The following COL23A1 variants were observed in gnomAD, a reference collection of about 807,000 sequenced individuals.
COL23A1 encodes collagen alpha-1(XXIII) chain.
Under a neutral mutation model 99.3 loss-of-function variants are expected in COL23A1, and 97 were observed. That is an observed-to-expected ratio of 0.98 (90% CI 0.83 to 1.16). The LOEUF is 1.16. Ranked by LOEUF, COL23A1 falls within the 50% of genes most tolerant of loss-of-function variation. The pLI is 0.00. For synonymous variants in COL23A1, 320 were observed against 308.2 expected (o/e 1.04, Z -0.40); for missense variants, 762 against 757.4 (o/e 1.01, Z -0.07).
intron 5 of COL23A1, among the ~76,000 whole-genome samples, chr5:178,273,785 G>C (rs1756429377): frequency 6.6e-6 from 1 of 152,216 alleles, no homozygotes; most frequent in Admixed American, 6.5e-5. Flanking sequence ...GAAGCTGCTG[G>C]GTGGGTATGG....
At chr5:178,421,594 C>A (rs1017355611) in intron 2 of COL23A1, among the ~76,000 whole-genome samples, 3 of 152,192 alleles carry the variant, frequency 2.0e-5, no homozygotes, top group Admixed American at 2.0e-4. Context: ...CAGGGCCAGG[C>A]ACAGTGGCTC....
At chr5:178,574,493 A>C (rs116446192) in intron 1 of COL23A1, among the ~76,000 whole-genome samples, 1 of 152,240 alleles carries the variant, frequency 6.6e-6, no homozygotes, top group African/African-American at 2.4e-5. Flanking sequence ...CAGCCCCTCC[A>C]TTTGTCCAAG....
At chr5:178,394,091 C>T (rs1010112889) in intron 2 of COL23A1, among the ~76,000 whole-genome samples, 6 of 152,144 alleles carry the variant, frequency 3.9e-5, no homozygotes, top group African/African-American at 1.4e-4. Context: ...GAGCGAAAGA[C>T]CTGGGAGGGC....
chr5:178,348,077 A>G (rs1434103341), intron 2 of COL23A1, among the ~76,000 whole-genome samples: 1 of 151,824 alleles, frequency 6.6e-6, no homozygotes, highest in Admixed American at 6.6e-5. Context: ...GGGGTCTCGC[A>G]TGCCTCCATG....
chr5:178,465,634 C>T (rs1271637988), intron 2 of COL23A1, among the ~76,000 whole-genome samples: 1 of 152,214 alleles, frequency 6.6e-6, no homozygotes, highest in Non-Finnish European at 1.5e-5. Flanking sequence ...TGCTTTCTGC[C>T]CCTCTCTAGA....
intron 2 of COL23A1, among the ~76,000 whole-genome samples, chr5:178,518,475 G>A (rs1423667199): frequency 1.6e-4 from 23 of 148,280 alleles, no homozygotes; most frequent in South Asian, 6.4e-4. Flanking sequence ...AGGGGCGGCC[G>A]GGCAGAGGCG....
Position 178,530,675 on chromosome 5 carries a change from T to A in COL23A1, c.361+30007A>T, listed in dbSNP as rs551168920. Among the ~76,000 whole-genome samples, 245 of 152,114 alleles carry A rather than the reference T, an allele frequency of 1.6e-3. 1 individual carries two copies. Among genetic ancestry groups the A allele is most frequent in the Middle Eastern group, 6.8e-3 (2 of 294 alleles). On this transcript the variant is annotated intron_variant, in intron 2 of 28. Transcript: ENST00000390654. ...AGCCAGACCAAAGACCAGGTGTAGA[T>A]GTTGCAGCCACAGCTCCCTCCGGCT...
intron 2 of COL23A1, among the ~76,000 whole-genome samples, chr5:178,548,665 T>C (rs80314032): frequency 0.056 from 8,572 of 151,764 alleles, 422 homozygotes; most frequent in Middle Eastern, 0.2. Flanking sequence ...CATTCTTTAC[T>C]AGAGCCTCTG....
chr5:178,474,246 C>T (rs1238408157), intron 2 of COL23A1, among the ~76,000 whole-genome samples: 1 of 152,172 alleles, frequency 6.6e-6, no homozygotes, highest in Non-Finnish European at 1.5e-5. Flanking sequence ...GTCTCAGTTT[C>T]TCTCATCATT....
intron 2 of COL23A1, among the ~76,000 whole-genome samples, chr5:178,447,098 AT>A (rs398065445): frequency 0.19 from 28,024 of 148,000 alleles, 3,235 homozygotes; most frequent in African/African-American, 0.33. Flanking sequence ...TTTTATTATT[AT>A]TTTTTTTTTT....
chr5:178,249,716 A>ACT (rs59946818), intron 18 of COL23A1, among the ~76,000 whole-genome samples: 35 of 92,802 alleles, frequency 3.8e-4, no homozygotes, highest in African/African-American at 1.1e-3. Flanking sequence ...ACACACACAC[A>ACT]CTCTCTCTCT....
At chr5:178,404,867 G>A (rs542414052) in intron 2 of COL23A1, among the ~76,000 whole-genome samples, 1 of 152,288 alleles carries the variant, frequency 6.6e-6, no homozygotes, top group East Asian at 1.9e-4. Context: ...CAGTCAGGAA[G>A]ACAAACCTAG....
chr5:178,523,883 A>G (rs1226219139), intron 2 of COL23A1, among the ~76,000 whole-genome samples: 1 of 152,086 alleles, frequency 6.6e-6, no homozygotes, highest in East Asian at 1.9e-4. Context: ...AAGTTACACT[A>G]CCTGGGCTCT....
chr5:178,337,611 C>T (rs1760415376), intron 2 of COL23A1, among the ~76,000 whole-genome samples: 3 of 151,842 alleles, frequency 2.0e-5, no homozygotes, highest in Admixed American at 6.6e-5. Flanking sequence ...TGGGCTCTGC[C>T]GGGCTGGGGG....
rs1250347977 is a variant in COL23A1 at position 178,307,688 on chromosome 5, C to G, written c.362-769G>C. On this transcript the variant is annotated intron_variant, in intron 2 of 28. Transcript: ENST00000390654. This position sits in a 1 kb window ranked among gnomAD's most constrained non-coding sequence, Gnocchi z 4.2. ...GAGCAGAGGTCTGAGGCCTCCCTCT[C>G]CCTCCCCTCACCTCTGTGGCGCTCA... Among the ~76,000 whole-genome samples the G allele has an allele frequency of 6.6e-6, 1 of 152,242 alleles. No individual in the cohort carries two copies. Among genetic ancestry groups the G allele is most frequent in the Admixed American group, 6.5e-5 (1 of 15,280 alleles).
At chr5:178,399,909 C>T (rs773920986) in intron 2 of COL23A1, among the ~76,000 whole-genome samples, 19 of 152,186 alleles carry the variant, frequency 1.2e-4, no homozygotes, top group African/African-American at 1.7e-4. Context: ...CATCTGTCTC[C>T]GGATCCACCC....
intron 17 of COL23A1, among the ~76,000 whole-genome samples, chr5:178,251,422 TCCAAGTATTTCTAAATCC>T (rs532053688): frequency 6.6e-6 from 1 of 152,272 alleles, no homozygotes; most frequent in East Asian, 1.9e-4. Flanking sequence ...GAAAAAAATC[TCCAAGTATTTCTAAATCC>T]CCAAGTATTC....
At chr5:178,455,378 C>A (rs1767721490) in intron 2 of COL23A1, among the ~76,000 whole-genome samples, 1 of 152,170 alleles carries the variant, frequency 6.6e-6, no homozygotes, top group Admixed American at 6.5e-5. Context: ...CCCGCCTGAC[C>A]CTGGCATCGG....
chr5:178,457,194 G>C (rs1036903996), intron 2 of COL23A1, among the ~76,000 whole-genome samples: 3 of 152,108 alleles, frequency 2.0e-5, no homozygotes, highest in Non-Finnish European at 4.4e-5. Flanking sequence ...CAAAGGTGAA[G>C]ATGTTTATCA....
Sources: gnomAD v4.1 joint callset for allele counts (sites outside exome capture counted in the v4.1 genomes callset) on GRCh38, gnomAD v4.1.1 for gene constraint, Gnocchi (gnomAD v3.1) non-coding constraint, MANE v1.5 for transcripts, NCBI Gene and HGNC (gene_info 2026-07-23, HGNC 2026-07-21) for gene names.